JAZF1: variants seen among roughly 807,000 people sequenced by gnomAD.
The protein encoded by JAZF1 is JAZF zinc finger 1, also known as juxtaposed with another zinc finger protein 1.
A neutral mutation model predicts 26.4 loss-of-function variants in JAZF1; 8 were observed. That is an observed-to-expected ratio of 0.30 (90% confidence interval 0.18 to 0.55). The LOEUF (loss-of-function observed/expected upper bound fraction) is 0.55, where lower values mean the gene tolerates loss of function less well. Among genes scored for constraint, JAZF1 ranks in the 20% least tolerant of loss-of-function variants. JAZF1 has a pLI of 0.94. For synonymous variants in JAZF1, 126 were observed against 122.3 expected (o/e 1.03, Z -0.20); for missense variants, 199 against 322.0 (o/e 0.62, Z 2.92).
chr7:28,019,695 C>T (rs1214169668), intron 1 of JAZF1, among the ~76,000 whole-genome samples: 2 of 152,120 alleles, frequency 1.3e-5, no homozygotes, highest in Non-Finnish European at 2.9e-5. Context: ...TTATTCACAA[C>T]ATGGCATCTT....
chr7:27,865,057 G>C (rs907613834), intron 3 of JAZF1, among the ~76,000 whole-genome samples: 9 of 152,156 alleles, frequency 5.9e-5, no homozygotes, highest in Non-Finnish European at 1.2e-4. Context: ...GAATGGAATA[G>C]AGAGTATCAG....
chr7:27,844,268 G>C, intron 3 of JAZF1: 1 of 152,202 alleles, frequency 6.6e-6, no homozygotes, highest in East Asian at 1.9e-4. Context: ...CTAAAACTAA[G>C]TCACCAAAGC....
At chr7:27,877,456 C>T (rs1783697526) in intron 3 of JAZF1, among the ~76,000 whole-genome samples, 1 of 152,156 alleles carries the variant, frequency 6.6e-6, no homozygotes, top group South Asian at 2.1e-4. Context: ...CCCAGAGGAA[C>T]TCACAACTAT....
intron 1 of JAZF1, among the ~76,000 whole-genome samples, chr7:28,158,980 G>A (rs1277542604): frequency 1.3e-5 from 2 of 152,100 alleles, no homozygotes; most frequent in East Asian, 3.9e-4. Context: ...CACTGTCCTG[G>A]GCCCTGGGAA....
chr7:28,009,427 A>G (rs1158520334), intron 1 of JAZF1, among the ~76,000 whole-genome samples: 1 of 152,134 alleles, frequency 6.6e-6, no homozygotes, highest in Non-Finnish European at 1.5e-5. Context: ...CAAACATACG[A>G]AAGTTTCACA....
intron 1 of JAZF1, among the ~76,000 whole-genome samples, chr7:28,152,733 T>C (rs577986371): frequency 3.9e-5 from 6 of 152,250 alleles, no homozygotes; most frequent in South Asian, 2.1e-4. Context: ...AAAGTAGTGA[T>C]TGAAGAATGA....
chr7:28,009,998 G>C (rs774166632), intron 1 of JAZF1, among the ~76,000 whole-genome samples: 4 of 152,064 alleles, frequency 2.6e-5, no homozygotes, highest in Non-Finnish European at 5.9e-5. Flanking sequence ...TTGCAATTTG[G>C]CTTCATCAAT....
intron 1 of JAZF1, among the ~76,000 whole-genome samples, chr7:28,131,713 T>C (rs780477027): frequency 6.6e-6 from 1 of 152,158 alleles, no homozygotes; most frequent in Non-Finnish European, 1.5e-5. Context: ...ATCCTACAAT[T>C]TGCATAGAGT....
chr7:27,979,232 T>C (rs1785531417), intron 2 of JAZF1, among the ~76,000 whole-genome samples: 2 of 152,052 alleles, frequency 1.3e-5, no homozygotes, highest in African/African-American at 4.8e-5. Context: ...GACAATTCTT[T>C]ACATCTTATA....
chr7:28,133,454 G>T (rs1186920108), intron 1 of JAZF1, among the ~76,000 whole-genome samples: 1 of 152,142 alleles, frequency 6.6e-6, no homozygotes, highest in Non-Finnish European at 1.5e-5. Flanking sequence ...CATAAATTGT[G>T]TTTTTTAAGA....
intron 1 of JAZF1, among the ~76,000 whole-genome samples, chr7:28,169,522 A>G (rs1583596505): frequency 6.6e-6 from 1 of 152,300 alleles, no homozygotes; most frequent in South Asian, 2.1e-4. Flanking sequence ...GATGAGTCAT[A>G]CTCCACAGTC....
chr7:28,145,564 C>A (rs557203545), intron 1 of JAZF1, among the ~76,000 whole-genome samples: 1 of 152,176 alleles, frequency 6.6e-6, no homozygotes, highest in East Asian at 1.9e-4. Context: ...GGTAACAATT[C>A]ATCCTCAAAG....
intron 2 of JAZF1, among the ~76,000 whole-genome samples, chr7:27,919,392 G>A (rs967779254): frequency 6.6e-6 from 1 of 152,174 alleles, no homozygotes; most frequent in Non-Finnish European, 1.5e-5. Context: ...AAGGAATAAA[G>A]ATCATAAGTC....
chr7:28,090,654 G>A (rs1007854278), intron 1 of JAZF1, among the ~76,000 whole-genome samples: 9 of 151,974 alleles, frequency 5.9e-5, no homozygotes, highest in Admixed American at 3.9e-4. Flanking sequence ...AAAGTGAGGC[G>A]GCTTCACTGC....
intron 2 of JAZF1, among the ~76,000 whole-genome samples, chr7:27,962,859 T>C (rs1281396487): frequency 2.6e-5 from 4 of 152,222 alleles, no homozygotes; most frequent in African/African-American, 9.6e-5. Flanking sequence ...GCCCTTGCTG[T>C]GGAATAATCC....
intron 3 of JAZF1, among the ~76,000 whole-genome samples, chr7:27,853,442 T>C (rs1783187932): frequency 6.6e-6 from 1 of 152,104 alleles, no homozygotes; most frequent in African/African-American, 2.4e-5. Flanking sequence ...TGATCCTATC[T>C]GAGTGAGCGT....
At chr7:27,864,027 G>T (rs2128336591) in intron 3 of JAZF1, 1 of 152,366 alleles carries the variant, frequency 6.6e-6, no homozygotes, top group East Asian at 1.9e-4. Context: ...CCTCCTCCAA[G>T]CCGCCAGCTT....
intron 1 of JAZF1, among the ~76,000 whole-genome samples, chr7:28,048,857 T>C (rs759380941): frequency 5.9e-5 from 9 of 152,182 alleles, no homozygotes; most frequent in Non-Finnish European, 8.8e-5. Flanking sequence ...CGTTACAGCA[T>C]TGATGACTCC....
intron 2 of JAZF1, among the ~76,000 whole-genome samples, chr7:27,961,351 G>A (rs1785182397): frequency 6.6e-6 from 1 of 152,192 alleles, no homozygotes; most frequent in African/African-American, 2.4e-5. Context: ...CCCACGACAT[G>A]TAATTATAAT....
Sources: gnomAD v4.1 joint callset for allele counts (sites outside exome capture counted in the v4.1 genomes callset) on GRCh38, gnomAD v4.1.1 for gene constraint, MANE v1.5 for transcripts, NCBI Gene and HGNC (gene_info 2026-07-23, HGNC 2026-07-21) for gene names.